RAD51B: variants seen among roughly 807,000 people sequenced by gnomAD.
RAD51B encodes the protein DNA repair protein RAD51 homolog 2.
A neutral mutation model predicts 42.2 loss-of-function variants in RAD51B; 38 were observed. The ratio of observed to expected loss-of-function variants is 0.90; its 90% CI spans 0.70 to 1.18. The LOEUF is 1.18. Ranked by LOEUF, RAD51B falls within the 50% of genes most tolerant of loss-of-function variation. RAD51B has a pLI of 0.00. For synonymous variants in RAD51B, 154 were observed against 145.2 expected, an observed-to-expected ratio of 1.06 and a Z score of -0.43; for missense variants, 373 against 400.7, an observed-to-expected ratio of 0.93 and a Z score of 0.59.
At chr14:68,666,741 C>A (rs1312605308) in intron 11 of RAD51B, among the ~76,000 whole-genome samples, 1 of 152,182 alleles carries the variant, frequency 6.6e-6, no homozygotes, top group Non-Finnish European at 1.5e-5. Flanking sequence ...ATTATTTACT[C>A]CCTTTTCCTA....
intron 8 of RAD51B, among the ~76,000 whole-genome samples, chr14:68,293,668 A>T (rs2081557657): frequency 6.6e-6 from 1 of 152,016 alleles, no homozygotes; most frequent in Admixed American, 6.6e-5. Flanking sequence ...CACTCCTTCG[A>T]GGCTTATTTA....
At chr14:68,237,478 A>G (rs1002907467) in intron 7 of RAD51B, among the ~76,000 whole-genome samples, 1 of 152,128 alleles carries the variant, frequency 6.6e-6, no homozygotes, top group African/African-American at 2.4e-5. Flanking sequence ...CAATTGAGTA[A>G]TTTTTGTGTA....
intron 11 of RAD51B, among the ~76,000 whole-genome samples, chr14:68,678,555 T>C (rs1238041009): frequency 1.3e-5 from 2 of 152,062 alleles, no homozygotes; most frequent in Non-Finnish European, 2.9e-5. Flanking sequence ...GAAAGGCCCA[T>C]CCAGAAGGAG....
intron 8 of RAD51B, among the ~76,000 whole-genome samples, chr14:68,342,740 A>C (rs900410236): frequency 1.3e-5 from 2 of 152,236 alleles, no homozygotes; most frequent in African/African-American, 4.8e-5. Context: ...TGGGGAGCAG[A>C]TCATTTGGTA....
At chr14:68,453,586 T>C (rs2085610083) in intron 9 of RAD51B, among the ~76,000 whole-genome samples, 1 of 152,176 alleles carries the variant, frequency 6.6e-6, no homozygotes, top group Non-Finnish European at 1.5e-5. Context: ...GAGAAAGACT[T>C]GGGACTCTAG....
downstream of RAD51B, among the ~76,000 whole-genome samples, chr14:68,596,787 G>A (rs58496649): frequency 0.019 from 2,930 of 152,306 alleles, 90 homozygotes; most frequent in African/African-American, 0.065. Context: ...TCTTCCCATC[G>A]TAAGGAAACA....
chr14:67,983,959 T>C (rs2075139802), intron 7 of RAD51B, among the ~76,000 whole-genome samples: 1 of 151,716 alleles, frequency 6.6e-6, no homozygotes, highest in South Asian at 2.1e-4. Context: ...TTTTTTTTCT[T>C]GACAGTGTCT....
intron 7 of RAD51B, among the ~76,000 whole-genome samples, chr14:67,970,165 T>A (rs566833003): frequency 2.6e-4 from 39 of 152,318 alleles, no homozygotes; most frequent in Admixed American, 8.5e-4. Context: ...AGGGATGTTT[T>A]GTGAAATAAT....
At chr14:67,845,900 G>A (rs1188685254) in intron 4 of RAD51B, among the ~76,000 whole-genome samples, 1 of 151,982 alleles carries the variant, frequency 6.6e-6, no homozygotes, top group Non-Finnish European at 1.5e-5. Flanking sequence ...TGTGTCCTGG[G>A]GATGATCATT....
chr14:68,318,411 T>C (rs2082100816), intron 8 of RAD51B, among the ~76,000 whole-genome samples: 1 of 151,228 alleles, frequency 6.6e-6, no homozygotes, highest in East Asian at 1.9e-4. Flanking sequence ...AAAAGAAGAG[T>C]GGTACCATTT....
intron 10 of RAD51B, among the ~76,000 whole-genome samples, chr14:68,529,944 TAA>T (rs775492997): frequency 6.6e-6 from 1 of 151,874 alleles, no homozygotes; most frequent in Non-Finnish European, 1.5e-5. Context: ...AAGAATGAAT[TAA>T]AAAGATAAAA....
At chr14:67,986,762 C>T (rs931412787) in intron 7 of RAD51B, among the ~76,000 whole-genome samples, 7 of 152,104 alleles carry the variant, frequency 4.6e-5, no homozygotes, top group Non-Finnish European at 8.8e-5. Flanking sequence ...GATGGAGTTT[C>T]GCTCTGTTGC....
rs192865203 is a variant in RAD51B at position 68,077,599 on chromosome 14, G to A, written c.756+190395G>A. 2.0e-3 allele frequency among the ~76,000 whole-genome samples: 297 copies of A among 152,182 alleles called. 6 individuals carry two copies. Among genetic ancestry groups the A allele is most frequent in the Non-Finnish European group, 3.5e-4 (24 of 68,018 alleles). On this transcript the variant is annotated intron_variant, in intron 7 of 10. Transcript: ENST00000471583. ...TACTCCGAGAACAAAACCCCAATCC[G>A]TTCTCCCCAAACAAACAAAAATATG...
At chr14:67,996,880 A>G (rs557842353) in intron 7 of RAD51B, among the ~76,000 whole-genome samples, 3 of 152,346 alleles carry the variant, frequency 2.0e-5, no homozygotes, top group Non-Finnish European at 4.4e-5. Flanking sequence ...GTGACAGTGG[A>G]GGCAGTGAGC....
intron 7 of RAD51B, among the ~76,000 whole-genome samples, chr14:68,235,703 CAAAAAAAAA>C (rs57180468): frequency 2.1e-3 from 29 of 14,060 alleles, no homozygotes; most frequent in African/African-American, 3.8e-3. Flanking sequence ...GACTCCGTCT[CAAAAAAAAA>C]AAAAAAAAAA....
chr14:68,496,735 G>A (rs1173134146), intron 10 of RAD51B, among the ~76,000 whole-genome samples: 2 of 152,228 alleles, frequency 1.3e-5, no homozygotes, highest in African/African-American at 4.8e-5. Context: ...TTCATAGGAG[G>A]AGGTCAAAAT....
Position 68,442,935 on chromosome 14 carries a change from G to T in RAD51B, c.958-25237G>T, listed in dbSNP as rs572936199. On this transcript the variant is annotated intron_variant, in intron 9 of 10. Transcript: ENST00000471583. ...CTGGGGCTGTGAACACCTAAAGAAT[G>T]ACCCAGGTTGTTGCTCCCCCTGAAA... Among the ~76,000 whole-genome samples, 5 of 152,258 alleles carry T rather than the reference G, an allele frequency of 3.3e-5. No homozygotes were observed. The East Asian group carries it at 9.6e-4, about 29-fold the overall frequency.
At chr14:67,840,269 T>C (rs1433125650) in intron 4 of RAD51B, among the ~76,000 whole-genome samples, 1 of 152,116 alleles carries the variant, frequency 6.6e-6, no homozygotes, top group Non-Finnish European at 1.5e-5. Context: ...TTTTTTAGCC[T>C]TTTTCCCTGC....
intron 9 of RAD51B, among the ~76,000 whole-genome samples, chr14:68,429,341 C>T (rs2140130498): frequency 6.6e-6 from 1 of 152,312 alleles, no homozygotes; most frequent in Middle Eastern, 3.4e-3. Context: ...CTGACTTCCA[C>T]AATGGTTGAA....
Sources: gnomAD v4.1 joint callset for allele counts (sites outside exome capture counted in the v4.1 genomes callset) on GRCh38, gnomAD v4.1.1 for gene constraint, MANE v1.5 for transcripts, NCBI Gene and HGNC (gene_info 2026-07-23, HGNC 2026-07-21) for gene names.